AKR1A1: variants seen among roughly 807,000 people sequenced by gnomAD.
The protein encoded by AKR1A1 is aldo-keto reductase family 1 member A1.
AKR1A1 carries 26 observed loss-of-function variants against 39.2 expected under a neutral mutation model. The observed-to-expected ratio is 0.66, with a 90% CI of 0.49 to 0.92. The LOEUF (loss-of-function observed/expected upper bound fraction) is 0.92, where lower values mean the gene tolerates loss of function less well. Ranked by LOEUF, AKR1A1 falls within the 40% of genes least tolerant of loss-of-function variation. The pLI is 0.00. For synonymous variants in AKR1A1, 141 were observed against 155.5 expected (o/e 0.91, Z 0.69); for missense variants, 378 against 406.5 (o/e 0.93, Z 0.60).
intron 7 of AKR1A1, 22 bp downstream of exon 7, chr1:45,569,021 C>T: frequency 6.2e-7 from 1 of 1,612,600 alleles, no homozygotes; most frequent in Non-Finnish European, 8.5e-7. Flanking sequence ...TGGGTTCTAT[C>T]TTCTTTAGCT....
In AKR1A1 at chr1:45,569,287, G is replaced by A. The variant is rs138150227; in HGVS notation, c.912+58G>A. 4.2e-6 allele frequency: 6 copies of A among 1,436,470 alleles called. No homozygotes were observed. The Admixed American group carries it at 5.0e-5, about 12-fold the overall frequency. 89.0% of individuals were successfully genotyped at this position (1,436,470 alleles called of 1,614,324 possible). On this transcript the variant is annotated intron_variant, in intron 8 of 8. Transcript: ENST00000351829. Reference sequence around the variant, plus strand: ...ATGTGAGATTTGGGGTGGGATTCTGGCCCAGGTGTGACCTAAGGCTTGCTG... The same window carrying A: ...ATGTGAGATTTGGGGTGGGATTCTGACCCAGGTGTGACCTAAGGCTTGCTG...
rs67386168 is a variant in AKR1A1, at chr1:45,557,912, C to CTTTTTTTTTTT, written c.-6-3872_-6-3862dup. On this transcript the variant is annotated intron_variant, in intron 1 of 8. Transcript: ENST00000351829. ...TGTACTGGCTTTACTCACAACTTGT[C>CTTTTTTTTTTT]TTTTTTTTTTTTTTTGAGATGGAGC... Among the ~76,000 whole-genome samples the CTTTTTTTTTTT allele has an allele frequency of 6.5e-3, 731 of 112,160 alleles. 114 individuals are homozygous for CTTTTTTTTTTT. The highest frequency in any genetic ancestry group is 0.02 in the African/African-American group (567 of 28,214). The allele number at this position is 112,160 out of a possible 152,430, so 73.6% of individuals were successfully genotyped here.
At chr1:45,564,724 T>C (rs1003382459) in intron 2 of AKR1A1, among the ~76,000 whole-genome samples, 3 of 152,032 alleles carry the variant, frequency 2.0e-5, no homozygotes, top group African/African-American at 7.2e-5. Context: ...CTTGTTTCCA[T>C]GGTCTATACT....
chr1:45,569,966 T>C lies in AKR1A1; in HGVS notation c.*10T>C, dbSNP rs1387831619. On this transcript the variant is annotated 3_prime_UTR_variant, in exon 9 of 9. Coordinates refer to ENST00000351829, the MANE Select transcript of AKR1A1 (RefSeq NM_153326.3). Reference sequence around the variant, plus strand: ...TAATGACCCGTACTGAGACCACAGCTTCTTGGCCTCCCTTCCAGCTCTGCA... The same window carrying C: ...TAATGACCCGTACTGAGACCACAGCCTCTTGGCCTCCCTTCCAGCTCTGCA... 2 of 1,613,468 alleles carry C rather than the reference T, an allele frequency of 1.2e-6. No individual in the cohort carries two copies. Among genetic ancestry groups the C allele is most frequent in the African/African-American group, 2.7e-5 (2 of 74,892 alleles).
intron 6 of AKR1A1, 102 bp downstream of exon 6, chr1:45,568,786 C>A (rs374217295): frequency 5.8e-5 from 90 of 1,543,760 alleles, no homozygotes; most frequent in Middle Eastern, 2.2e-4. Flanking sequence ...GCCTTGTGAT[C>A]TGGAGGGAGG....
At chr1:45,557,419 T>A (rs571109468) in intron 1 of AKR1A1, among the ~76,000 whole-genome samples, 1 of 152,234 alleles carries the variant, frequency 6.6e-6, no homozygotes, top group African/African-American at 2.4e-5. Flanking sequence ...GGAGCTCTTG[T>A]TCTTTGCAGA....
At chr1:45,560,689 A>ACC in intron 1 of AKR1A1, among the ~76,000 whole-genome samples, 1 of 147,008 alleles carries the variant, frequency 6.8e-6, no homozygotes, top group African/African-American at 2.5e-5. Flanking sequence ...GGCTGACCAG[A>ACC]CCTCTGTGAA....
chr1:45,567,026 C>G lies in AKR1A1; in HGVS notation c.356+6C>G, dbSNP rs747373118. On this transcript the variant is annotated splice_donor_region_variant and intron_variant, in intron 4 of 8. Coordinates refer to ENST00000351829, the MANE Select transcript of AKR1A1 (RefSeq NM_153326.3). The stretch of plus-strand genomic sequence containing the variant: ...CACTGGCCTTATGCCTTTGAGTGAG[C>G]CTTGCCAGAGCCTCATCTGGGGAAT... The G allele has an allele frequency of 2.5e-6, 4 of 1,612,698 alleles. No individual in the cohort carries two copies. The highest frequency in any genetic ancestry group is 3.4e-6 in the Non-Finnish European group (4 of 1,179,240).
rs1042716111 is a variant in AKR1A1 at position 45,567,228 on chromosome 1, C to T, written c.356+208C>T. ...AACTCTGGAAAAAGGAAGGCAGTCT[C>T]ACATGGTGTGTACCCCAGGGTATGC... On this transcript the variant is annotated intron_variant, in intron 4 of 8. Transcript: ENST00000351829. The T allele has an allele frequency of 1.4e-5, 9 of 642,832 alleles. No individual in the cohort carries two copies. The African/African-American group carries it at 1.5e-4, about 10-fold the overall frequency. 39.8% of individuals were successfully genotyped at this position (642,832 alleles called of 1,614,324 possible).
At position 45,568,985 on chromosome 1, in the gene AKR1A1, C is replaced by T. The variant is rs1360829963; in HGVS notation, c.811C>T (p.Leu271Phe). 3 of 1,614,186 alleles carry T rather than the reference C, an allele frequency of 1.9e-6. No homozygotes were observed. Among genetic ancestry groups the T allele is most frequent in the East Asian group, 4.5e-5 (2 of 44,888 alleles). Residue 271 changes from leucine (L) to phenylalanine (F), a missense_variant, in exon 7 of 9, where the codon CTT becomes TTT. By Grantham distance (22) the Leu-to-Phe change is conservative. Transcript: ENST00000351829. ...CAAAAGTATCACTCCTTCTCGAATC[C>T]TTCAGAACATCAAGGTACTTGGTAA... ...IPKSITPSRILQNIKVFDFTF... is the reference protein window; with the variant it reads ...IPKSITPSRIFQNIKVFDFTF...
At chr1:45,553,864 G>A (rs867707081) in intron 1 of AKR1A1, among the ~76,000 whole-genome samples, 17 of 151,766 alleles carry the variant, frequency 1.1e-4, no homozygotes, top group Admixed American at 6.6e-5. Context: ...GCATGGTAGC[G>A]GGCACCTGTA....
intron 1 of AKR1A1, among the ~76,000 whole-genome samples, chr1:45,553,348 G>A (rs758345463): frequency 6.6e-6 from 1 of 151,190 alleles, no homozygotes; most frequent in Non-Finnish European, 1.5e-5. Context: ...GTTGAACCTG[G>A]AAGGCGAAGG....
At chr1:45,565,005 G>A (rs1004008058) in intron 2 of AKR1A1, among the ~76,000 whole-genome samples, 3 of 150,856 alleles carry the variant, frequency 2.0e-5, no homozygotes, top group African/African-American at 7.3e-5. Flanking sequence ...TGTATTTTTA[G>A]TAGAGACGGT....
chr1:45,562,513 C>CTT (rs11450284), intron 2 of AKR1A1, among the ~76,000 whole-genome samples: 76 of 136,722 alleles, frequency 5.6e-4, no homozygotes, highest in Admixed American at 1.2e-3. Flanking sequence ...GCCCAGCAAA[C>CTT]TTTTTTTTTT....
rs1644349972 is a variant in AKR1A1 at position 45,566,804 on chromosome 1, G to T, written c.205-65G>T. On this transcript the variant is annotated intron_variant, in intron 3 of 8. Transcript: ENST00000351829. Reference sequence around the variant, plus strand: ...GCTTCCTTCCAGTTCCTCTCCCAGAGTTGAGGGTGGGTGAGACCACGTGCT... The same window carrying T: ...GCTTCCTTCCAGTTCCTCTCCCAGATTTGAGGGTGGGTGAGACCACGTGCT... 3 of 1,597,504 alleles carry T rather than the reference G, an allele frequency of 1.9e-6. No homozygotes were observed. The Admixed American group carries it at 5.1e-5, about 27-fold the overall frequency.
At chr1:45,561,665 A>G (rs1392805040) in intron 1 of AKR1A1, 124 bp from the exon 2 acceptor site, 3 of 899,416 alleles carry the variant, frequency 3.3e-6, no homozygotes, top group Non-Finnish European at 3.5e-6. Flanking sequence ...CAGCCTCCCA[A>G]AGTGCTGGGA....
intron 1 of AKR1A1, among the ~76,000 whole-genome samples, chr1:45,560,437 A>C (rs1275993508): frequency 2.6e-5 from 4 of 152,158 alleles, no homozygotes; most frequent in African/African-American, 9.7e-5. Context: ...ACCTAGCCAG[A>C]ACCATCTCTA....
chr1:45,552,356 A>T (rs1282113590), intron 1 of AKR1A1: 6 of 151,920 alleles, frequency 3.9e-5, no homozygotes, highest in Non-Finnish European at 8.8e-5. Flanking sequence ...AAATAAAAAA[A>T]AAAAAATTCC....
chr1:45,561,604 A>T (rs1644278250), intron 1 of AKR1A1, among the ~76,000 whole-genome samples, 185 bp from the exon 2 acceptor site: 1 of 152,100 alleles, frequency 6.6e-6, no homozygotes, highest in Admixed American at 6.6e-5. Flanking sequence ...GGGTTTTACC[A>T]TGTTGACCCA....
Sources: allele counts gnomAD v4.1 joint callset (sites outside exome capture counted in the v4.1 genomes callset), GRCh38; gene constraint gnomAD v4.1.1; transcripts MANE v1.5; gene names NCBI Gene and HGNC (gene_info 2026-07-23, HGNC 2026-07-21).